Variants in XPO5 observed in about 807,000 individuals in gnomAD.
XPO5 encodes exportin 5.
XPO5 carries 46 observed loss-of-function variants against 160.6 expected under a neutral mutation model. That is an observed-to-expected ratio of 0.29 (90% CI 0.23 to 0.37). The LOEUF is 0.37. Among genes scored for constraint, XPO5 ranks in the 10% least tolerant of loss-of-function variants. The pLI, the probability that XPO5 is intolerant of heterozygous loss-of-function variation, is 1.00. For missense variants in XPO5, 1,090 were observed against 1,463.9 expected, an observed-to-expected ratio of 0.74 and a Z score of 4.17; for synonymous variants, 537 against 519.3, an observed-to-expected ratio of 1.03 and a Z score of -0.46.
rs1793423285 is a variant in XPO5, at chr6:43,524,530, T to A, written c.3418A>T (p.Lys1140Ter). Residue 1140 changes from lysine to a stop codon, truncating the protein, a stop_gained, in exon 31 of 32, where the codon AAA becomes TAA. Transcript: ENST00000265351. LOFTEE classifies it high-confidence loss of function. The stretch of plus-strand genomic sequence containing the variant: ...TCCTTTCGGCGCTTGTCAGCCACTT[T>A]CTGCAGGGAGGGGTTTAAAAGCTTG... The part of the protein sequence containing the change: ...DCKLLNPSLQ[K>*]VADKRRKDQF... 6.2e-7 allele frequency: 1 copy of A among 1,613,946 alleles called. No homozygotes were observed. The highest frequency in any genetic ancestry group is 8.5e-7 in the Non-Finnish European group (1 of 1,179,878).
intron 27 of XPO5, chr6:43,526,383 G>C: frequency 2.2e-6 from 1 of 454,872 alleles, no homozygotes; most frequent in South Asian, 2.7e-5. Context: ...AGTAGCTGGG[G>C]TTGCCATTTT....
chr6:43,543,884 T>C (rs919714323), intron 20 of XPO5, among the ~76,000 whole-genome samples: 6 of 152,092 alleles, frequency 3.9e-5, no homozygotes, highest in Non-Finnish European at 8.8e-5. Context: ...ACCATGTTTA[T>C]TGGGCTAGTC....
At chr6:43,539,585 C>T (rs1465614882) in intron 20 of XPO5, 44 of 1,357,506 alleles carry the variant, frequency 3.2e-5, no homozygotes, top group Admixed American at 5.4e-5. Context: ...GCCCGGTCCA[C>T]GGCTGCGACC....
chr6:43,570,083 C>A (rs140474744), intron 5 of XPO5, among the ~76,000 whole-genome samples: 3 of 133,714 alleles, frequency 2.2e-5, no homozygotes, highest in Non-Finnish European at 4.6e-5. Flanking sequence ...CTTTGGGAGG[C>A]GGGCGGATCA....
intron 28 of XPO5, 45 bp from the exon 29 acceptor site, chr6:43,525,259 G>T: frequency 6.6e-7 from 1 of 1,517,598 alleles, no homozygotes; most frequent in Non-Finnish European, 8.9e-7. Context: ...AAGAAGCACA[G>T]TTTTCTCTGA....
intron 31 of XPO5, 150 bp downstream of exon 31, chr6:43,524,321 C>T (rs1793399060): frequency 1.7e-6 from 2 of 1,143,168 alleles, no homozygotes; most frequent in African/African-American, 1.6e-5. Context: ...CACTGCACTC[C>T]AGCCTGGGCA....
At chr6:43,526,870 G>T in intron 26 of XPO5, 123 bp from the exon 27 acceptor site, 1 of 933,388 alleles carries the variant, frequency 1.1e-6, no homozygotes, top group South Asian at 1.4e-5. Flanking sequence ...TGGGGGTACC[G>T]TCCAAGGCAC....
chr6:43,544,368 C>T (rs1192876326), intron 20 of XPO5: 1 of 152,544 alleles, frequency 6.6e-6, no homozygotes, highest in Non-Finnish European at 1.5e-5. Flanking sequence ...GAGAATCTTC[C>T]TCTACTGATT....
intron 8 of XPO5, among the ~76,000 whole-genome samples, chr6:43,563,248 C>G (rs1419767912): frequency 1.3e-5 from 2 of 152,132 alleles, no homozygotes; most frequent in Non-Finnish European, 2.9e-5. Context: ...ACTGCAGCCT[C>G]CCAAGTAGCT....
intron 1 of XPO5, among the ~76,000 whole-genome samples, chr6:43,574,156 C>A (rs998888906): frequency 1.3e-4 from 19 of 151,194 alleles, no homozygotes; most frequent in African/African-American, 2.2e-4. Flanking sequence ...TTAAATTAGC[C>A]GGGCATGGTG....
At chr6:43,534,945 A>C (rs892887352) in intron 20 of XPO5, among the ~76,000 whole-genome samples, 2 of 152,078 alleles carry the variant, frequency 1.3e-5, no homozygotes, top group African/African-American at 4.8e-5. Flanking sequence ...TGGTGAGCCG[A>C]GATCATACCA....
Position 43,527,749 on chromosome 6 carries a change from G to A in XPO5, c.2823-18C>T, listed in dbSNP as rs913433013. ...CTTCTCCACTGCAGAAAACCAGGGG[G>A]CCAAGTTCCACAGGAGTGCAGAAAA... On this transcript the variant is annotated intron_variant, in intron 25 of 31. Coordinates refer to ENST00000265351, the MANE Select transcript of XPO5 (RefSeq NM_020750.3). The A allele has an allele frequency of 5.0e-6, 8 of 1,613,456 alleles. No homozygotes were observed. Among genetic ancestry groups the A allele is most frequent in the Non-Finnish European group, 6.8e-6 (8 of 1,179,518 alleles).
chr6:43,565,067 C>T (rs1374449614), intron 8 of XPO5, among the ~76,000 whole-genome samples: 6 of 151,884 alleles, frequency 4.0e-5, no homozygotes, highest in African/African-American at 2.4e-5. Flanking sequence ...GGATTACAGG[C>T]GTGCGCCACC....
intron 23 of XPO5, chr6:43,529,468 G>A (rs1793819646): frequency 3.3e-6 from 1 of 304,894 alleles, no homozygotes; most frequent in Non-Finnish European, 6.3e-6. Flanking sequence ...GCAAGAGAAT[G>A]GTGTGAACCT....
Position 43,560,154 on chromosome 6 carries a change from CAT to C in XPO5, c.1221+22_1221+23del, listed in dbSNP as rs749053514. Reference sequence around the variant, plus strand: ...ATTATGTGTATTCACCTACATTCCACATGTTTAGATTCCCATTATATACCTTG... The same window carrying C: ...ATTATGTGTATTCACCTACATTCCACGTTTAGATTCCCATTATATACCTTG... On this transcript the variant is annotated intron_variant, in intron 11 of 31. Coordinates refer to ENST00000265351, the MANE Select transcript of XPO5 (RefSeq NM_020750.3). 5.5e-4 allele frequency: 879 copies of C among 1,608,962 alleles called. 2 individuals are homozygous for C. The highest frequency in any genetic ancestry group is 7.1e-4 in the Non-Finnish European group (836 of 1,177,024).
intron 7 of XPO5, chr6:43,566,589 A>G: frequency 7.8e-6 from 3 of 386,174 alleles, no homozygotes; most frequent in South Asian, 3.8e-5. Context: ...AGGGCAGATC[A>G]CTTGAGCTCA....
At chr6:43,536,632 G>A (rs974735868) in intron 20 of XPO5, among the ~76,000 whole-genome samples, 10 of 150,426 alleles carry the variant, frequency 6.6e-5, no homozygotes, top group Admixed American at 2.0e-4. Context: ...GGTGGCACAC[G>A]CCTGTAAATC....
chr6:43,545,137 T>C (rs1368837722), intron 20 of XPO5, among the ~76,000 whole-genome samples: 1 of 151,982 alleles, frequency 6.6e-6, no homozygotes, highest in African/African-American at 2.4e-5. Flanking sequence ...CCTCCCAAAG[T>C]GCTGGGATTA....
chr6:43,556,812 C>T (rs1235113077), intron 12 of XPO5, among the ~76,000 whole-genome samples: 1 of 151,966 alleles, frequency 6.6e-6, no homozygotes, highest in African/African-American at 2.4e-5. Flanking sequence ...GTGGTATATC[C>T]ATACAATGAA....
Sources: gnomAD v4.1 joint callset for allele counts (sites outside exome capture counted in the v4.1 genomes callset) on GRCh38, gnomAD v4.1.1 for gene constraint, MANE v1.5 for transcripts, NCBI Gene and HGNC (gene_info 2026-07-23, HGNC 2026-07-21) for gene names.